The following DPYD variants were observed in gnomAD, a reference collection of about 807,000 sequenced individuals.
DPYD encodes dihydropyrimidine dehydrogenase [NADP(+)].
In DPYD, 109 loss-of-function variants were observed where a neutral mutation model predicts 116.2. That is an observed-to-expected ratio of 0.94 (90% CI 0.80 to 1.10). DPYD has a LOEUF of 1.10. Ranked by LOEUF, DPYD falls within the 50% of genes least tolerant of loss-of-function variation. The probability of loss-of-function intolerance (pLI) is 0.00; values close to 1 mark genes in which losing one functional copy is unlikely to be tolerated. For missense variants in DPYD, 1,302 were observed against 1,254.5 expected (o/e 1.04, Z -0.57); for synonymous variants, 440 against 432.0 (o/e 1.02, Z -0.23).
intron 19 of DPYD, among the ~76,000 whole-genome samples, chr1:97,210,827 G>T (rs975090603): frequency 3.9e-5 from 6 of 152,090 alleles, no homozygotes; most frequent in African/African-American, 1.2e-4. Context: ...CCAAAGTCTA[G>T]AAATCATCTC....
At chr1:97,112,280 G>A (rs990627306) in intron 20 of DPYD, among the ~76,000 whole-genome samples, 7 of 152,146 alleles carry the variant, frequency 4.6e-5, no homozygotes, top group Non-Finnish European at 7.4e-5. Context: ...AATGGATTAA[G>A]CATGTTGTAC....
At chr1:97,718,722 T>C (rs1433746593) in intron 5 of DPYD, among the ~76,000 whole-genome samples, 1 of 151,782 alleles carries the variant, frequency 6.6e-6, no homozygotes, top group African/African-American at 2.4e-5. Flanking sequence ...CTTTAGGCAA[T>C]GGGTAGAAAG....
At chr1:97,429,745 A>C (rs764253478) in intron 14 of DPYD, among the ~76,000 whole-genome samples, 1 of 152,170 alleles carries the variant, frequency 6.6e-6, no homozygotes, top group Non-Finnish European at 1.5e-5. Context: ...GAATTTAGTC[A>C]TCATTAATTA....
chr1:97,632,938 C>T (rs1657356286), intron 8 of DPYD, among the ~76,000 whole-genome samples: 1 of 152,056 alleles, frequency 6.6e-6, no homozygotes, highest in African/African-American at 2.4e-5. Context: ...AGCCAACATT[C>T]ACATTACTAA....
intron 3 of DPYD, among the ~76,000 whole-genome samples, chr1:97,789,597 T>C (rs1408509532): frequency 2.0e-5 from 3 of 152,148 alleles, no homozygotes; most frequent in African/African-American, 4.8e-5. Flanking sequence ...ATAAGGAAAA[T>C]TTTAAATAGC....
At chr1:97,566,017 G>A (rs1652494003) in intron 11 of DPYD, among the ~76,000 whole-genome samples, 1 of 152,056 alleles carries the variant, frequency 6.6e-6, no homozygotes, top group African/African-American at 2.4e-5. Flanking sequence ...TAACAGTGCG[G>A]TGTTGAGCAA....
rs534791840 is a variant in DPYD at position 97,193,123 on chromosome 1, A to C, written c.2568T>G (p.Thr856=). The change falls in exon 20 of 23, where the codon ACT becomes ACG. Residue 856 remains threonine, a synonymous_variant. Transcript: ENST00000370192. ...CTGGTTTCCCTTTCTGGTGACTCAC[A>C]GTAGCTGGACTCTGTCCATCCCAGT... ...LQDWDGQSPA[T]VSHQKGKPVP... 1 of 1,614,086 alleles carries C rather than the reference A, an allele frequency of 6.2e-7. No homozygotes were observed. The highest frequency in any genetic ancestry group is 1.7e-4 in the Middle Eastern group (1 of 6,056).
At chr1:97,181,869 T>C (rs1304853033) in intron 20 of DPYD, among the ~76,000 whole-genome samples, 4 of 152,116 alleles carry the variant, frequency 2.6e-5, no homozygotes, top group African/African-American at 9.7e-5. Context: ...CTATACACTT[T>C]AGATAGAGGA....
intron 2 of DPYD, chr1:97,855,782 A>C (rs1670808279): frequency 6.6e-6 from 1 of 152,356 alleles, no homozygotes; most frequent in South Asian, 2.1e-4. Flanking sequence ...TCTTCAGGGA[A>C]ACACAGAGCT....
At chr1:97,330,824 G>A (rs548867805) in intron 16 of DPYD, among the ~76,000 whole-genome samples, 1 of 152,178 alleles carries the variant, frequency 6.6e-6, no homozygotes, top group Non-Finnish European at 1.5e-5. Flanking sequence ...TTTGCTCACA[G>A]ATTTTGAGTT....
intron 18 of DPYD, among the ~76,000 whole-genome samples, chr1:97,258,091 G>A (rs992954528): frequency 6.6e-5 from 10 of 152,028 alleles, no homozygotes; most frequent in African/African-American, 1.9e-4. Context: ...TAGGTGTGTC[G>A]TAGGGCCTAG....
chr1:97,186,174 A>C (rs1278371968), intron 20 of DPYD, among the ~76,000 whole-genome samples: 1 of 152,200 alleles, frequency 6.6e-6, no homozygotes, highest in African/African-American at 2.4e-5. Context: ...ATAGATAATT[A>C]GACATCTACA....
intron 1 of DPYD, among the ~76,000 whole-genome samples, chr1:97,918,915 T>C (rs892327995): frequency 5.3e-5 from 8 of 152,186 alleles, no homozygotes; most frequent in Admixed American, 4.6e-4. Flanking sequence ...CTCTAGACAA[T>C]GGTTGTAATG....
chr1:97,546,523 G>C, intron 12 of DPYD: 1 of 1,598,834 alleles, frequency 6.3e-7, no homozygotes, highest in Non-Finnish European at 8.6e-7. Context: ...AGAGTGGCAA[G>C]AATTACTACA....
At chr1:97,920,654 G>T (rs1051870470) in intron 1 of DPYD, among the ~76,000 whole-genome samples, 1 of 152,164 alleles carries the variant, frequency 6.6e-6, no homozygotes, top group Admixed American at 6.5e-5. Flanking sequence ...AGGTCCCGAC[G>T]CAAAGGGCAA....
chr1:97,204,304 G>A (rs1353048984), intron 19 of DPYD, among the ~76,000 whole-genome samples: 1 of 152,088 alleles, frequency 6.6e-6, no homozygotes, highest in Non-Finnish European at 1.5e-5. Flanking sequence ...TAAATTGTAT[G>A]CTAGTTTTTT....
At chr1:97,696,336 G>T (rs1010160034) in intron 6 of DPYD, among the ~76,000 whole-genome samples, 1 of 152,032 alleles carries the variant, frequency 6.6e-6, no homozygotes, top group Non-Finnish European at 1.5e-5. Context: ...TTGATATGAA[G>T]TTTATACGGA....
intron 20 of DPYD, among the ~76,000 whole-genome samples, chr1:97,153,481 C>G (rs1249652508): frequency 6.6e-6 from 1 of 152,004 alleles, no homozygotes; most frequent in Non-Finnish European, 1.5e-5. Flanking sequence ...CATCTCTCAC[C>G]TTACACAAAA....
intron 8 of DPYD, among the ~76,000 whole-genome samples, chr1:97,676,535 T>TG (rs1660154963): frequency 1.1e-4 from 17 of 152,218 alleles, no homozygotes; most frequent in Admixed American, 1.1e-3. Context: ...TCTATTGTTT[T>TG]CTGAAACTGC....
Sources: allele counts gnomAD v4.1 joint callset (sites outside exome capture counted in the v4.1 genomes callset), GRCh38; gene constraint gnomAD v4.1.1; transcripts MANE v1.5; gene names NCBI Gene and HGNC (gene_info 2026-07-23, HGNC 2026-07-21).